The following NCKAP5 variants were observed in gnomAD, a reference collection of about 807,000 sequenced individuals.
The protein encoded by NCKAP5 is NCK associated protein 5, also known as nck-associated protein 5.
NCKAP5 carries 92 observed loss-of-function variants against 167.0 expected under a neutral mutation model. The observed-to-expected ratio is 0.55, with a 90% CI of 0.47 to 0.66. The LOEUF (loss-of-function observed/expected upper bound fraction) is 0.66, where lower values mean the gene tolerates loss of function less well. Among genes scored for constraint, NCKAP5 ranks in the 30% least tolerant of loss-of-function variants. NCKAP5 has a pLI of 0.00. For missense variants in NCKAP5, 2,378 were observed against 2,315.0 expected, an observed-to-expected ratio of 1.03 and a Z score of -0.56; for synonymous variants, 891 against 877.4, an observed-to-expected ratio of 1.02 and a Z score of -0.27.
chr2:132,929,462 C>T lies in NCKAP5; in HGVS notation c.579+34258G>A, dbSNP rs568461433. ...TTAACAAATAAAAGGTTAAAAAACC[C>T]TAAAAATATACTGTTAAAATTGTTC... On this transcript the variant is annotated intron_variant, in intron 8 of 19. Coordinates refer to ENST00000409261, the MANE Select transcript of NCKAP5 (RefSeq NM_207363.3). 1.4e-4 allele frequency among the ~76,000 whole-genome samples: 22 copies of T among 152,216 alleles called. No individual in the cohort carries two copies. The South Asian group carries it at 4.6e-3, about 32-fold the overall frequency.
At chr2:133,019,743 C>G (rs1417246943) in intron 6 of NCKAP5, among the ~76,000 whole-genome samples, 1 of 152,120 alleles carries the variant, frequency 6.6e-6, no homozygotes, top group Non-Finnish European at 1.5e-5. Context: ...GAGAAGGAAC[C>G]TTAAGATTTG....
chr2:132,920,495 T>G (rs1471774916), intron 8 of NCKAP5, among the ~76,000 whole-genome samples: 2 of 149,766 alleles, frequency 1.3e-5, no homozygotes, highest in Non-Finnish European at 3.0e-5. Flanking sequence ...AAAAAAAAAG[T>G]GGGAGACAAA....
chr2:133,554,483 C>T (rs1452260854), intron 2 of NCKAP5: 1 of 152,166 alleles, frequency 6.6e-6, no homozygotes, highest in African/African-American at 2.4e-5. Context: ...GTCAATTTGG[C>T]TCTGAGCTTC....
At chr2:133,342,392 C>A (rs556659538) in intron 3 of NCKAP5, among the ~76,000 whole-genome samples, 1 of 152,158 alleles carries the variant, frequency 6.6e-6, no homozygotes, top group Admixed American at 6.5e-5. Context: ...TTTAGGGACA[C>A]AAAGGGATAG....
At chr2:133,172,970 C>T (rs551071939) in intron 5 of NCKAP5, among the ~76,000 whole-genome samples, 238 of 152,182 alleles carry the variant, frequency 1.6e-3, no homozygotes, top group African/African-American at 5.5e-3. Context: ...CAGGCGGGAG[C>T]CACCGTGACG....
At chr2:133,121,132 A>G (rs1273351926) in intron 6 of NCKAP5, among the ~76,000 whole-genome samples, 1 of 152,190 alleles carries the variant, frequency 6.6e-6, no homozygotes, top group Non-Finnish European at 1.5e-5. Context: ...CGATGCCAGA[A>G]AAACATGGTG....
At chr2:133,616,372 T>C in the NCKAP5 span, among the ~76,000 whole-genome samples, 2 of 152,080 alleles carry the variant, frequency 1.3e-5, no homozygotes, top group Non-Finnish European at 2.9e-5. Flanking sequence ...AGCTGGTTTT[T>C]TGAAAGCATC....
chr2:132,862,562 G>A (rs1264910704), intron 10 of NCKAP5, among the ~76,000 whole-genome samples: 11 of 152,064 alleles, frequency 7.2e-5, no homozygotes, highest in African/African-American at 2.4e-4. Flanking sequence ...ATTAAAAGGT[G>A]CAACTTCAGC....
At chr2:132,902,187 A>G (rs567470422) in intron 8 of NCKAP5, among the ~76,000 whole-genome samples, 2 of 152,350 alleles carry the variant, frequency 1.3e-5, no homozygotes, top group African/African-American at 4.8e-5. Flanking sequence ...GTATTCTTAA[A>G]TCTGAGAAAG....
chr2:133,583,908 C>G, the NCKAP5 span, among the ~76,000 whole-genome samples: 1 of 152,130 alleles, frequency 6.6e-6, no homozygotes, highest in Non-Finnish European at 1.5e-5. Flanking sequence ...CACCCACCAC[C>G]ATGCCTGGCT....
intron 4 of NCKAP5, among the ~76,000 whole-genome samples, chr2:133,243,043 T>C (rs562029785): frequency 6.2e-4 from 94 of 152,304 alleles, no homozygotes; most frequent in Non-Finnish European, 1.2e-3. Context: ...AACCATATTA[T>C]GCTATAAAAT....
At chr2:133,464,879 G>A (rs4953882) in intron 3 of NCKAP5, among the ~76,000 whole-genome samples, 32,546 of 151,572 alleles carry the variant, frequency 0.21, 3,829 homozygotes, top group East Asian at 0.38. Flanking sequence ...ACTTGCCAAC[G>A]TGGCATGGGG....
intron 4 of NCKAP5, among the ~76,000 whole-genome samples, chr2:133,223,950 G>A (rs1175429353): frequency 6.6e-6 from 1 of 152,152 alleles, no homozygotes; most frequent in Non-Finnish European, 1.5e-5. Flanking sequence ...CAGTGTGTTG[G>A]AATACAGAGA....
At chr2:133,171,311 C>T (rs534622813) in intron 5 of NCKAP5, among the ~76,000 whole-genome samples, 2 of 152,186 alleles carry the variant, frequency 1.3e-5, no homozygotes, top group South Asian at 2.1e-4. Flanking sequence ...GAAATGTGAC[C>T]CCCAACTGAG....
At chr2:133,249,018 T>C (rs992619588) in intron 4 of NCKAP5, among the ~76,000 whole-genome samples, 1 of 152,298 alleles carries the variant, frequency 6.6e-6, no homozygotes, top group Middle Eastern at 3.4e-3. Context: ...TCTAAATTCA[T>C]TTAACCTGGA....
At chr2:133,674,562 C>T in the NCKAP5 span, among the ~76,000 whole-genome samples, 3 of 152,042 alleles carry the variant, frequency 2.0e-5, no homozygotes, top group African/African-American at 7.2e-5. Flanking sequence ...AAACTCTGCA[C>T]GCTGCAAATC....
chr2:133,179,759 C>T (rs1255550582), intron 5 of NCKAP5, among the ~76,000 whole-genome samples: 1 of 151,786 alleles, frequency 6.6e-6, no homozygotes, highest in Non-Finnish European at 1.5e-5. Flanking sequence ...GTGCAGTGAA[C>T]TTCACAGACA....
In NCKAP5 at chr2:133,401,936, C is replaced by A. The variant is rs191149018; in HGVS notation, c.70-98826G>T. On this transcript the variant is annotated intron_variant, in intron 3 of 19. Coordinates refer to ENST00000409261, the MANE Select transcript of NCKAP5 (RefSeq NM_207363.3). ...CTTGGACCTACTGTACTACTCTAAT[C>A]TGCTTGTGGCTGCCAAGCTTGCCTG... is the stretch of plus-strand genomic sequence containing the variant. 1.6e-4 allele frequency among the ~76,000 whole-genome samples: 25 copies of A among 152,260 alleles called. No homozygotes were observed. In the East Asian group the frequency reaches 4.8e-3, roughly 30 times the overall value.
intron 19 of NCKAP5, among the ~76,000 whole-genome samples, chr2:132,719,547 G>A (rs967683218): frequency 6.6e-6 from 1 of 152,216 alleles, no homozygotes; most frequent in African/African-American, 2.4e-5. Context: ...AGCATGACAG[G>A]CTTTGGCATT....
Sources: allele counts gnomAD v4.1 joint callset (sites outside exome capture counted in the v4.1 genomes callset), GRCh38; gene constraint gnomAD v4.1.1; transcripts MANE v1.5; gene names NCBI Gene and HGNC (gene_info 2026-07-23, HGNC 2026-07-21).